Variants in LOC128125817 observed in about 807,000 individuals in gnomAD.
At chr1:41,622,452 G>A in the LOC128125817 span, among the ~76,000 whole-genome samples, 1 of 152,226 alleles carries the variant, frequency 6.6e-6, no homozygotes, top group East Asian at 1.9e-4. Flanking sequence ...CTGAGCTAAG[G>A]GTCTGGATTC....
chr1:41,618,290 C>T, the LOC128125817 span, among the ~76,000 whole-genome samples: 1 of 152,346 alleles, frequency 6.6e-6, no homozygotes, highest in South Asian at 2.1e-4. Context: ...TATGCAATGC[C>T]GGGCCAGGAG....
the LOC128125817 span, among the ~76,000 whole-genome samples, chr1:41,601,953 G>T: frequency 1.3e-5 from 2 of 152,108 alleles, no homozygotes; most frequent in Non-Finnish European, 2.9e-5. Context: ...GATCAAAAAG[G>T]GTGTGTTGAA....
chr1:41,615,919 A>G, the LOC128125817 span, among the ~76,000 whole-genome samples: 1 of 140,230 alleles, frequency 7.1e-6, no homozygotes, highest in Non-Finnish European at 1.5e-5. Context: ...TTTTGAAAAT[A>G]TTTTATATTT....
chr1:41,585,333 T>C, the LOC128125817 span: 1 of 398,830 alleles, frequency 2.5e-6, no homozygotes. Context: ...GTGATAGATG[T>C]ACACACACAC....
chr1:41,614,361 G>A, the LOC128125817 span, among the ~76,000 whole-genome samples: 1 of 152,170 alleles, frequency 6.6e-6, no homozygotes, highest in Non-Finnish European at 1.5e-5. Flanking sequence ...CTCAACAGAG[G>A]GTGCAAGTCC....
At chr1:41,590,474 G>A in the LOC128125817 span, among the ~76,000 whole-genome samples, 2 of 152,218 alleles carry the variant, frequency 1.3e-5, no homozygotes, top group South Asian at 4.1e-4. Flanking sequence ...ATTTTGTCAG[G>A]AAGGAACATG....
the LOC128125817 span, among the ~76,000 whole-genome samples, chr1:41,590,408 T>C: frequency 6.6e-6 from 1 of 152,188 alleles, no homozygotes; most frequent in Non-Finnish European, 1.5e-5. Context: ...TGGCCAATGA[T>C]GTATGCAACT....
chr1:41,624,936 T>C, the LOC128125817 span, among the ~76,000 whole-genome samples: 2 of 151,952 alleles, frequency 1.3e-5, no homozygotes, highest in Non-Finnish European at 2.9e-5. Flanking sequence ...GAGGCCGAGG[T>C]GGATGGATCA....
chr1:41,600,496 C>T, the LOC128125817 span, among the ~76,000 whole-genome samples: 1 of 152,176 alleles, frequency 6.6e-6, no homozygotes, highest in African/African-American at 2.4e-5. Flanking sequence ...ATATGAAGTA[C>T]TTAGAGTAAT....
chr1:41,588,995 T>C, the LOC128125817 span, among the ~76,000 whole-genome samples: 9 of 152,252 alleles, frequency 5.9e-5, no homozygotes, highest in East Asian at 1.5e-3. Context: ...GGATTCCAAA[T>C]GTGGTGCGGC....
the LOC128125817 span, among the ~76,000 whole-genome samples, chr1:41,593,437 A>G: frequency 6.6e-6 from 1 of 152,242 alleles, no homozygotes; most frequent in African/African-American, 2.4e-5. Context: ...ACTGATAGAT[A>G]TGAAGGTTGT....
At chr1:41,607,260 G>T in the LOC128125817 span, among the ~76,000 whole-genome samples, 1 of 152,118 alleles carries the variant, frequency 6.6e-6, no homozygotes, top group Non-Finnish European at 1.5e-5. Flanking sequence ...TCCTCCATGG[G>T]TCTTAATGTT....
the LOC128125817 span, among the ~76,000 whole-genome samples, chr1:41,605,860 G>A: frequency 6.6e-6 from 1 of 152,146 alleles, no homozygotes; most frequent in Admixed American, 6.5e-5. Context: ...TCAGCTTTCA[G>A]ATTTGTTTAT....
the LOC128125817 span, among the ~76,000 whole-genome samples, chr1:41,602,367 A>G: frequency 5.9e-5 from 9 of 152,298 alleles, no homozygotes; most frequent in African/African-American, 2.2e-4. Flanking sequence ...CAGTGAAGCT[A>G]TCTGGTCCTG....
At chr1:41,615,869 G>A in the LOC128125817 span, among the ~76,000 whole-genome samples, 2 of 106,532 alleles carry the variant, frequency 1.9e-5, no homozygotes, top group Non-Finnish European at 3.5e-5. Context: ...GTTCACTAGT[G>A]TTATATTATC....
the LOC128125817 span, among the ~76,000 whole-genome samples, chr1:41,590,415 A>G: frequency 1.3e-5 from 2 of 152,210 alleles, no homozygotes; most frequent in African/African-American, 4.8e-5. Context: ...TGATGTATGC[A>G]ACTTCTAGGC....
chr1:41,623,911 G>GT, the LOC128125817 span, among the ~76,000 whole-genome samples: 7 of 151,956 alleles, frequency 4.6e-5, no homozygotes, highest in Non-Finnish European at 1.0e-4. Context: ...TCAGAGTGAC[G>GT]TGTATGCTCC....
chr1:41,599,761 G>A, the LOC128125817 span, among the ~76,000 whole-genome samples: 135 of 152,236 alleles, frequency 8.9e-4, no homozygotes, highest in African/African-American at 3.1e-3. Flanking sequence ...TCTTCTATGC[G>A]TGAAAGGACA....
the LOC128125817 span, among the ~76,000 whole-genome samples, chr1:41,598,522 A>T: frequency 1.3e-5 from 2 of 152,248 alleles, no homozygotes; most frequent in African/African-American, 4.8e-5. Context: ...GGCTTCTGTC[A>T]TTCTTGCCCA....
Sources: allele counts gnomAD v4.1 joint callset (sites outside exome capture counted in the v4.1 genomes callset), GRCh38; gene constraint gnomAD v4.1.1; transcripts MANE v1.5.